TMEM229B: variants seen among roughly 807,000 people sequenced by gnomAD.
TMEM229B encodes the protein transmembrane protein 229B, also known as chromosome 14 open reading frame 83.
Under a neutral mutation model 13.7 loss-of-function variants are expected in TMEM229B, and 6 were observed. That is an observed-to-expected ratio of 0.44 (90% confidence interval 0.24 to 0.86). TMEM229B has a LOEUF of 0.86. Among genes scored for constraint, TMEM229B ranks in the 40% least tolerant of loss-of-function variants. The probability of loss-of-function intolerance (pLI) is 0.23; values close to 1 mark genes in which losing one functional copy is unlikely to be tolerated. For missense variants in TMEM229B, 170 were observed against 236.0 expected, an observed-to-expected ratio of 0.72 and a Z score of 1.83; for synonymous variants, 107 against 102.1, an observed-to-expected ratio of 1.05 and a Z score of -0.29.
chr14:67,473,079 C>T lies in TMEM229B; in HGVS notation c.*341G>A, dbSNP rs17184650. 0.075 allele frequency: 20,983 copies of T among 279,854 alleles called. 1,093 individuals carry two copies. The highest frequency in any genetic ancestry group is 0.1 in the Non-Finnish European group (15,301 of 146,110). 17.3% of individuals were successfully genotyped at this position (279,854 alleles called of 1,614,324 possible). ...CTTGCCTCCCACCTGCGGCCCCATT[C>T]TCATTGTCCCTTGGCCAGGACAGGG... On this transcript the variant is annotated 3_prime_UTR_variant, in exon 3 of 3. Coordinates refer to ENST00000554480, the MANE Select transcript of TMEM229B (RefSeq NM_001348543.2). This position sits in a 1 kb window ranked among gnomAD's most constrained non-coding sequence, Gnocchi z 6.5.
intron 2 of TMEM229B, among the ~76,000 whole-genome samples, chr14:67,478,111 C>T (rs968607792): frequency 1.3e-5 from 2 of 152,256 alleles, no homozygotes; most frequent in African/African-American, 4.8e-5. Flanking sequence ...TTACAGCTCA[C>T]ATGTCTGTGG....
intron 1 of TMEM229B, among the ~76,000 whole-genome samples, chr14:67,499,084 A>T (rs1317911603): frequency 6.6e-6 from 1 of 151,506 alleles, no homozygotes; most frequent in East Asian, 1.9e-4. Flanking sequence ...GTCACCATAA[A>T]CTCAAACTCC....
At chr14:67,483,559 G>T (rs1010402048) in intron 2 of TMEM229B, among the ~76,000 whole-genome samples, 13 of 152,254 alleles carry the variant, frequency 8.5e-5, no homozygotes, top group Admixed American at 8.5e-4. Context: ...CCAACTGGGT[G>T]TCAGAGTTCC....
At chr14:67,489,719 G>A (rs574002032), upstream of TMEM229B, among the ~76,000 whole-genome samples, 59 of 152,288 alleles carry the variant, frequency 3.9e-4, no homozygotes, top group African/African-American at 9.4e-4. Flanking sequence ...AGCCGGGCGC[G>A]GTGGCTCACG....
intron 1 of TMEM229B, among the ~76,000 whole-genome samples, chr14:67,526,475 G>A (rs2033369465): frequency 6.6e-6 from 1 of 152,234 alleles, no homozygotes; most frequent in Non-Finnish European, 1.5e-5. Flanking sequence ...CCAGATGCAT[G>A]GAACTAAGAA....
intron 2 of TMEM229B, among the ~76,000 whole-genome samples, chr14:67,477,437 A>G (rs2031289852): frequency 6.6e-6 from 1 of 152,154 alleles, no homozygotes; most frequent in Non-Finnish European, 1.5e-5. Flanking sequence ...CCAGGTCCCA[A>G]GGCTTCTCTT....
At chr14:67,512,989 T>C (rs1032291850) in intron 1 of TMEM229B, among the ~76,000 whole-genome samples, 28 of 152,308 alleles carry the variant, frequency 1.8e-4, no homozygotes, top group Middle Eastern at 3.4e-3. Context: ...GTAAATCTGA[T>C]ACAACCGAAA....
chr14:67,490,865 C>T (rs1343187502), upstream of TMEM229B, among the ~76,000 whole-genome samples: 2 of 152,150 alleles, frequency 1.3e-5, no homozygotes, highest in African/African-American at 4.8e-5. Context: ...CAAAGCAGAA[C>T]ACTTCTGTGA....
intron 1 of TMEM229B, among the ~76,000 whole-genome samples, chr14:67,498,902 C>T (rs2032495487): frequency 6.6e-6 from 1 of 152,202 alleles, no homozygotes; most frequent in Admixed American, 6.5e-5. Context: ...CTCCTGACCT[C>T]AGCTGATCCA....
intron 1 of TMEM229B, among the ~76,000 whole-genome samples, chr14:67,500,023 C>T (rs1374159510): frequency 6.6e-6 from 1 of 152,048 alleles, no homozygotes; most frequent in African/African-American, 2.4e-5. Flanking sequence ...AGTCATAGCT[C>T]CTCTACAGTT....
At chr14:67,496,382 T>A (rs946153162) in intron 1 of TMEM229B, among the ~76,000 whole-genome samples, 2 of 128,964 alleles carry the variant, frequency 1.6e-5, no homozygotes, top group Non-Finnish European at 3.2e-5. Context: ...TGTGAGCCAC[T>A]GCTCCGGCGT....
chr14:67,473,279 T>G lies in TMEM229B; in HGVS notation c.*141A>C. ...CCCCCAACACCGGCCCCCGCGGACG[T>G]TAGGGGGCTCTGTGTGCCCTATAGG... On this transcript the variant is annotated 3_prime_UTR_variant, in exon 3 of 3. Coordinates refer to ENST00000554480, the MANE Select transcript of TMEM229B (RefSeq NM_001348543.2). The surrounding 1 kb of genome is among the most constrained non-coding windows in gnomAD (Gnocchi z 6.5). The G allele has an allele frequency of 2.1e-5, 25 of 1,177,712 alleles. No homozygotes were observed. The highest frequency in any genetic ancestry group is 2.7e-5 in the Non-Finnish European group (23 of 836,818). The allele number at this position is 1,177,712 out of a possible 1,614,324, so 73.0% of individuals were successfully genotyped here.
intron 2 of TMEM229B, among the ~76,000 whole-genome samples, chr14:67,479,128 G>T (rs2031415914): frequency 6.6e-6 from 1 of 152,154 alleles, no homozygotes; most frequent in Admixed American, 6.5e-5. Context: ...GCTTATGGAG[G>T]CTGGACGTGG....
chr14:67,505,812 T>G (rs1594710048), intron 1 of TMEM229B, among the ~76,000 whole-genome samples: 1 of 152,148 alleles, frequency 6.6e-6, no homozygotes, highest in South Asian at 2.1e-4. Context: ...GTTCAAGCAA[T>G]TCTCCTGCAT....
intron 1 of TMEM229B, among the ~76,000 whole-genome samples, chr14:67,526,629 T>C (rs2033371625): frequency 6.6e-6 from 1 of 152,188 alleles, no homozygotes; most frequent in Non-Finnish European, 1.5e-5. Flanking sequence ...TAAATCCCCA[T>C]TAATCACCAC....
intron 1 of TMEM229B, among the ~76,000 whole-genome samples, chr14:67,520,921 G>A (rs1011192559): frequency 6.6e-6 from 1 of 152,214 alleles, no homozygotes; most frequent in Non-Finnish European, 1.5e-5. Flanking sequence ...TAGCAATTTT[G>A]CATTCCCACA....
At chr14:67,530,904 GCCT>G (rs1325280854) in intron 1 of TMEM229B, among the ~76,000 whole-genome samples, 1 of 152,150 alleles carries the variant, frequency 6.6e-6, no homozygotes, top group Non-Finnish European at 1.5e-5. Context: ...AAGACGAATG[GCCT>G]CCTCTCACCT....
At chr14:67,478,651 C>T (rs898691985) in intron 2 of TMEM229B, among the ~76,000 whole-genome samples, 3 of 152,224 alleles carry the variant, frequency 2.0e-5, no homozygotes, top group Non-Finnish European at 4.4e-5. Flanking sequence ...CACAACTCGT[C>T]CCTGCCTCCA....
intron 1 of TMEM229B, among the ~76,000 whole-genome samples, chr14:67,522,720 G>T (rs763547383): frequency 9.2e-4 from 140 of 152,212 alleles, no homozygotes; most frequent in African/African-American, 3.1e-3. Flanking sequence ...GAGTCAAAAG[G>T]TTTCTCCCAT....
Sources: allele counts gnomAD v4.1 joint callset (sites outside exome capture counted in the v4.1 genomes callset), GRCh38; gene constraint gnomAD v4.1.1; non-coding constraint Gnocchi (gnomAD v3.1); transcripts MANE v1.5; gene names NCBI Gene and HGNC (gene_info 2026-07-23, HGNC 2026-07-21).